XKR4: variants seen among roughly 807,000 people sequenced by gnomAD.
XKR4 encodes XK related 4.
In XKR4, 12 loss-of-function variants were observed where a neutral mutation model predicts 53.9. The ratio of observed to expected loss-of-function variants is 0.22; its 90% CI spans 0.14 to 0.36. The LOEUF (loss-of-function observed/expected upper bound fraction) is 0.36. Among genes scored for constraint, XKR4 ranks in the 10% least tolerant of loss-of-function variants. XKR4 has a pLI of 1.00. For synonymous variants in XKR4, 354 were observed against 362.4 expected, an observed-to-expected ratio of 0.98 and a Z score of 0.26; for missense variants, 799 against 859.5, an observed-to-expected ratio of 0.93 and a Z score of 0.88.
In XKR4 at chr8:55,149,862, T is replaced by C. The variant is rs1217884797; in HGVS notation, c.806+46568T>C. Among the ~76,000 whole-genome samples the C allele has an allele frequency of 2.0e-5, 3 of 152,294 alleles. No individual in the cohort carries two copies. In the East Asian group the frequency reaches 5.8e-4, roughly 29 times the overall value. ...AAGGAAACTTGCCTATCAAAAATCA[T>C]AGTGAGGGCCTTGGCTATTTATGGA... On this transcript the variant is annotated intron_variant, in intron 1 of 2. Coordinates refer to ENST00000327381, the MANE Select transcript of XKR4 (RefSeq NM_052898.2).
In XKR4 at chr8:55,156,608, G is replaced by T. The variant is rs150373875; in HGVS notation, c.806+53314G>T. ...CTAAAAAGGGTTAAAAGTGCTTGGGGTATGGGATTGGGCATCCTAACTAGA... is the reference window on the plus strand; with the variant it reads ...CTAAAAAGGGTTAAAAGTGCTTGGGTTATGGGATTGGGCATCCTAACTAGA... On this transcript the variant is annotated intron_variant, in intron 1 of 2. Transcript: ENST00000327381. 2.1e-3 allele frequency among the ~76,000 whole-genome samples: 315 copies of T among 152,314 alleles called. 1 individual carries two copies. Among genetic ancestry groups the T allele is most frequent in the African/African-American group, 7.1e-3 (294 of 41,560 alleles).
chr8:55,347,657 G>C (rs1803667843), intron 1 of XKR4, among the ~76,000 whole-genome samples: 2 of 152,174 alleles, frequency 1.3e-5, no homozygotes, highest in South Asian at 4.1e-4. Context: ...TGAAGAGGAG[G>C]CAGAACACAT....
At chr8:55,453,865 C>T (rs1585582108) in intron 2 of XKR4, 1 of 543,336 alleles carries the variant, frequency 1.8e-6, no homozygotes, top group Non-Finnish European at 3.6e-6. Flanking sequence ...CAAACAGGTC[C>T]GTGGGGCAGT....
intron 1 of XKR4, among the ~76,000 whole-genome samples, chr8:55,342,866 T>A (rs1361931629): frequency 6.6e-6 from 1 of 152,230 alleles, no homozygotes; most frequent in Non-Finnish European, 1.5e-5. Flanking sequence ...ATTGCTTATC[T>A]TCCCCATCTA....
chr8:55,104,133 CA>C (rs2129350255), intron 1 of XKR4, among the ~76,000 whole-genome samples: 1 of 152,100 alleles, frequency 6.6e-6, no homozygotes, highest in Admixed American at 6.5e-5. Context: ...AACTGGAATA[CA>C]AGGCTAAACT....
chr8:55,286,767 C>T (rs1818912924), intron 1 of XKR4, among the ~76,000 whole-genome samples: 1 of 152,196 alleles, frequency 6.6e-6, no homozygotes, highest in South Asian at 2.1e-4. Context: ...TTAGTGCACA[C>T]ACCTTATTGG....
At chr8:55,202,956 G>A (rs949300378) in intron 1 of XKR4, among the ~76,000 whole-genome samples, 1 of 152,204 alleles carries the variant, frequency 6.6e-6, no homozygotes, top group South Asian at 2.1e-4. Context: ...CACAGCTGGA[G>A]GGTTGGTTAC....
chr8:55,533,142 T>C lies in XKR4; in HGVS notation c.*8915T>C, dbSNP rs1806978174. On this transcript the variant is annotated 3_prime_UTR_variant, in exon 3 of 3. Transcript: ENST00000327381. ...ATTGTAATCAAAATTCCTATTTTGA[T>C]CGCACACCAGTAGAACGCATCTTAA... The C allele has an allele frequency of 6.6e-6, 1 of 152,238 alleles. No individual in the cohort carries two copies. The highest frequency in any genetic ancestry group is 6.5e-5 in the Admixed American group (1 of 15,278). 9.4% of individuals were successfully genotyped at this position (152,238 alleles called of 1,614,324 possible). A position where few individuals can be genotyped will look rare whatever the true frequency, so the allele number is the denominator to read the frequency against.
intron 1 of XKR4, among the ~76,000 whole-genome samples, chr8:55,350,664 A>AG (rs1003868450): frequency 5.4e-4 from 82 of 152,168 alleles, no homozygotes; most frequent in African/African-American, 1.9e-3. Flanking sequence ...GGTAGTTGCC[A>AG]GGGGCTGGGG....
At chr8:55,492,341 A>G (rs1349809900) in intron 2 of XKR4, among the ~76,000 whole-genome samples, 1 of 152,248 alleles carries the variant, frequency 6.6e-6, no homozygotes, top group Non-Finnish European at 1.5e-5. Flanking sequence ...CTCAAAAATT[A>G]CAAGTATATT....
chr8:55,408,791 G>T (rs893065371), intron 2 of XKR4, among the ~76,000 whole-genome samples: 1 of 152,076 alleles, frequency 6.6e-6, no homozygotes, highest in Non-Finnish European at 1.5e-5. Context: ...GGCAGATCAC[G>T]GGGTCAGGAG....
chr8:55,478,057 C>T (rs1438547380), intron 2 of XKR4, among the ~76,000 whole-genome samples: 1 of 151,972 alleles, frequency 6.6e-6, no homozygotes, highest in African/African-American at 2.4e-5. Context: ...ACAGAGAACG[C>T]CACAAAGATA....
intron 2 of XKR4, among the ~76,000 whole-genome samples, chr8:55,389,032 G>T (rs1382901532): frequency 6.6e-6 from 1 of 152,150 alleles, no homozygotes; most frequent in African/African-American, 2.4e-5. Context: ...AATATAACAG[G>T]TCTTCTTTTA....
intron 1 of XKR4, among the ~76,000 whole-genome samples, chr8:55,316,716 C>T (rs1162588019): frequency 6.6e-6 from 1 of 152,140 alleles, no homozygotes. Context: ...CCAGTTTCCC[C>T]TTTACCTGGT....
chr8:55,112,135 C>T (rs142070373), intron 1 of XKR4, among the ~76,000 whole-genome samples: 373 of 152,224 alleles, frequency 2.5e-3, no homozygotes, highest in African/African-American at 8.5e-3. Flanking sequence ...CTTAAGCATC[C>T]GTTTTAAAAT....
At chr8:55,472,656 G>A (rs151064674) in intron 2 of XKR4, among the ~76,000 whole-genome samples, 12 of 152,130 alleles carry the variant, frequency 7.9e-5, no homozygotes, top group Middle Eastern at 3.4e-3. Flanking sequence ...AAGGTGATGC[G>A]CACTGTCATA....
intron 1 of XKR4, among the ~76,000 whole-genome samples, chr8:55,106,162 A>G (rs1186351040): frequency 1.3e-5 from 2 of 152,340 alleles, no homozygotes; most frequent in South Asian, 4.1e-4. Flanking sequence ...TTGTGTTTCC[A>G]TGAAATTCTA....
intron 2 of XKR4, among the ~76,000 whole-genome samples, chr8:55,361,643 A>G (rs1803911111): frequency 1.3e-5 from 2 of 151,954 alleles, no homozygotes; most frequent in Admixed American, 1.3e-4. Flanking sequence ...TTAGACTCTA[A>G]TCTAAACTAC....
intron 1 of XKR4, among the ~76,000 whole-genome samples, chr8:55,123,235 T>C (rs1159327795): frequency 6.6e-6 from 1 of 152,248 alleles, no homozygotes; most frequent in Non-Finnish European, 1.5e-5. Flanking sequence ...TATTTATTGA[T>C]TGAATGAATG....
Sources: gnomAD v4.1 joint callset for allele counts (sites outside exome capture counted in the v4.1 genomes callset) on GRCh38, gnomAD v4.1.1 for gene constraint, MANE v1.5 for transcripts, NCBI Gene and HGNC (gene_info 2026-07-23, HGNC 2026-07-21) for gene names.